Variants in UGT8 observed in about 807,000 individuals in gnomAD.
The protein encoded by UGT8 is 2-hydroxyacylsphingosine 1-beta-galactosyltransferase.
A neutral mutation model predicts 40.5 loss-of-function variants in UGT8; 12 were observed. The ratio of observed to expected loss-of-function variants is 0.30; its 90% CI spans 0.19 to 0.48. The LOEUF is 0.48. Among genes scored for constraint, UGT8 ranks in the 20% least tolerant of loss-of-function variants. The probability of loss-of-function intolerance (pLI) is 0.99; values close to 1 mark genes in which losing one functional copy is unlikely to be tolerated. For missense variants in UGT8, 513 were observed against 648.7 expected (o/e 0.79, Z 2.27); for synonymous variants, 224 against 240.4 (o/e 0.93, Z 0.63).
At chr4:114,669,381 CATATATATATAT>C (rs5861189) in intron 5 of UGT8, among the ~76,000 whole-genome samples, 90,889 of 150,482 alleles carry the variant, frequency 0.6, 29,925 homozygotes, top group East Asian at 0.81. Context: ...ATTTCATATA[CATATATATATAT>C]ATATATATAT....
chr4:114,675,102 T>C (rs1376505365), intron 5 of UGT8, among the ~76,000 whole-genome samples: 7 of 152,172 alleles, frequency 4.6e-5, no homozygotes. Context: ...TTCCCAACTC[T>C]TTTTTATCTC....
chr4:114,624,679 C>G (rs1290831879), intron 2 of UGT8, among the ~76,000 whole-genome samples: 1 of 152,086 alleles, frequency 6.6e-6, no homozygotes, highest in Non-Finnish European at 1.5e-5. Flanking sequence ...TAGATGAGGA[C>G]AATCACATGG....
Position 114,623,031 on chromosome 4 carries a change from C to A in UGT8, c.151C>A (p.His51Asn). 1.9e-6 allele frequency: 3 copies of A among 1,614,108 alleles called. No homozygotes were observed. Among genetic ancestry groups the A allele is most frequent in the Non-Finnish European group, 2.5e-6 (3 of 1,180,008 alleles). The change falls in exon 2 of 6, where the codon CAT becomes AAT. Residue 51 changes from histidine (H) to asparagine (N), a missense_variant. His to Asn is a moderately conservative substitution (Grantham distance 68). This residue lies in a region of UGT8 where 335 missense variants were observed against 444.8 expected (regional missense o/e 0.75). Coordinates refer to ENST00000310836, the MANE Select transcript of UGT8 (RefSeq NM_001128174.3). The part of the protein sequence containing the change: ...LASALHERGH[H>N]TVFLLSEGRD... ...CTCAGCCTTGCACGAGAGAGGCCAC[C>A]ATACAGTGTTCCTCCTCTCTGAAGG...
At chr4:114,604,421 T>A (rs1730613459) in intron 1 of UGT8, among the ~76,000 whole-genome samples, 2 of 150,932 alleles carry the variant, frequency 1.3e-5, no homozygotes, top group Non-Finnish European at 1.5e-5. Flanking sequence ...TTAGCCTGTG[T>A]AATAGGGGAA....
intron 2 of UGT8, among the ~76,000 whole-genome samples, chr4:114,663,331 A>G (rs1270630351): frequency 6.6e-6 from 1 of 152,058 alleles, no homozygotes; most frequent in African/African-American, 2.4e-5. Context: ...TCATGACTGC[A>G]TTATGGCATA....
chr4:114,649,053 A>G (rs1348236365), intron 2 of UGT8, among the ~76,000 whole-genome samples: 2 of 152,166 alleles, frequency 1.3e-5, no homozygotes, highest in African/African-American at 2.4e-5. Flanking sequence ...TACTAACGCA[A>G]TATGATTTTA....
At chr4:114,655,561 T>C (rs1365221096) in intron 2 of UGT8, among the ~76,000 whole-genome samples, 1 of 152,106 alleles carries the variant, frequency 6.6e-6, no homozygotes, top group African/African-American at 2.4e-5. Flanking sequence ...AACTACATTA[T>C]TTTTAAAACA....
At chr4:114,645,520 A>ATT (rs578242495) in intron 2 of UGT8, among the ~76,000 whole-genome samples, 1 of 152,044 alleles carries the variant, frequency 6.6e-6, no homozygotes, top group South Asian at 2.1e-4. Flanking sequence ...TACACATAAT[A>ATT]TTTTTTTGTG....
chr4:114,638,290 A>G lies in UGT8; in HGVS notation c.822+14588A>G, dbSNP rs7675420. Among the ~76,000 whole-genome samples the G allele has an allele frequency of 6.1e-3, 926 of 152,294 alleles. 11 individuals carry two copies. The highest frequency in any genetic ancestry group is 0.021 in the African/African-American group (884 of 41,562). ...AACATTTAGAAGTGCTATGAAGGAA[A>G]GCATAGGGTGCTGAAGAGTATGACA... On this transcript the variant is annotated intron_variant, in intron 2 of 5. Transcript: ENST00000310836.
At chr4:114,662,232 C>G (rs934440573) in intron 2 of UGT8, among the ~76,000 whole-genome samples, 1 of 152,152 alleles carries the variant, frequency 6.6e-6, no homozygotes, top group Non-Finnish European at 1.5e-5. Context: ...CTACCTGAAA[C>G]GTACTCAGAA....
chr4:114,630,476 C>T (rs1732497808), intron 2 of UGT8, among the ~76,000 whole-genome samples: 1 of 152,078 alleles, frequency 6.6e-6, no homozygotes, highest in Non-Finnish European at 1.5e-5. Context: ...TTACAGTGAG[C>T]CAAGAGTATG....
intron 2 of UGT8, among the ~76,000 whole-genome samples, chr4:114,640,255 C>A (rs1485484079): frequency 6.6e-6 from 1 of 151,992 alleles, no homozygotes; most frequent in African/African-American, 2.4e-5. Context: ...TGGTCTCGAT[C>A]TCCTGACCTT....
chr4:114,644,748 C>G (rs1733452873), intron 2 of UGT8, among the ~76,000 whole-genome samples: 1 of 152,180 alleles, frequency 6.6e-6, no homozygotes, highest in Non-Finnish European at 1.5e-5. Flanking sequence ...TATCCTTCCT[C>G]TCTTTCAGTT....
chr4:114,646,024 A>T (rs1231496179), intron 2 of UGT8, among the ~76,000 whole-genome samples: 1 of 152,146 alleles, frequency 6.6e-6, no homozygotes, highest in African/African-American at 2.4e-5. Flanking sequence ...TTTCCATATT[A>T]TGTAGTATAT....
chr4:114,614,659 G>C (rs111816357), intron 1 of UGT8, among the ~76,000 whole-genome samples: 1 of 60,364 alleles, frequency 1.7e-5, no homozygotes, highest in African/African-American at 3.3e-5. Flanking sequence ...TATTTCTGCA[G>C]TTAAGCCGTG....
At chr4:114,643,868 G>A (rs1419136858) in intron 2 of UGT8, among the ~76,000 whole-genome samples, 1 of 151,818 alleles carries the variant, frequency 6.6e-6, no homozygotes, top group Non-Finnish European at 1.5e-5. Context: ...TTTCTTTCTG[G>A]TTTCAAGAAA....
intron 2 of UGT8, among the ~76,000 whole-genome samples, chr4:114,631,410 C>G (rs2126105594): frequency 6.6e-6 from 1 of 152,306 alleles, no homozygotes; most frequent in Non-Finnish European, 1.5e-5. Flanking sequence ...TCGCTTGAAC[C>G]CGTGAGGCAG....
intron 3 of UGT8, 108 bp from the exon 4 acceptor site, chr4:114,665,572 A>G: frequency 8.2e-7 from 1 of 1,223,858 alleles, no homozygotes. Context: ...AAGAATATCA[A>G]CAAAAGATCA....
rs143848940 is a variant in UGT8 at position 114,650,495 on chromosome 4, A to C, written c.823-13500A>C. Among the ~76,000 whole-genome samples, 476 of 152,262 alleles carry C rather than the reference A, an allele frequency of 3.1e-3. 3 individuals carry two copies. The highest frequency in any genetic ancestry group is 0.011 in the African/African-American group (445 of 41,552). ...TTTTTTAAAGCCTCATATCTTTTGAAGCAGTCTATTACTGCAACTAACAAA... is the reference window on the plus strand; with the variant it reads ...TTTTTTAAAGCCTCATATCTTTTGACGCAGTCTATTACTGCAACTAACAAA... On this transcript the variant is annotated intron_variant, in intron 2 of 5. Coordinates refer to ENST00000310836, the MANE Select transcript of UGT8 (RefSeq NM_001128174.3).
Sources: allele counts gnomAD v4.1 joint callset (sites outside exome capture counted in the v4.1 genomes callset), GRCh38; gene constraint gnomAD v4.1.1; regional missense constraint gnomAD v4.1.1; transcripts MANE v1.5; gene names NCBI Gene and HGNC (gene_info 2026-07-23, HGNC 2026-07-21).